The following KCNIP2 variants were observed in gnomAD, a reference collection of about 807,000 sequenced individuals.
KCNIP2 encodes A-type potassium channel modulatory protein KCNIP2.
KCNIP2 carries 19 observed loss-of-function variants against 39.0 expected under a neutral mutation model. The observed-to-expected ratio is 0.49, with a 90% CI of 0.34 to 0.71. The LOEUF (loss-of-function observed/expected upper bound fraction) is 0.71. KCNIP2 is among the 30% of genes least tolerant of loss of function. The pLI is 0.01. For synonymous variants in KCNIP2, 111 were observed against 131.2 expected, an observed-to-expected ratio of 0.85 and a Z score of 1.05; for missense variants, 261 against 346.0, an observed-to-expected ratio of 0.75 and a Z score of 1.95.
In KCNIP2 at chr10:101,829,213, G is replaced by A. The variant is rs765365459; in HGVS notation, c.224-14C>T. On this transcript the variant is annotated splice_polypyrimidine_tract_variant and intron_variant, in intron 3 of 9. Transcript: ENST00000356640. ...CGTCCACGCTGTCTGCGGGAGCGGT[G>A]AGGACAGCCGCGCCTCAGGCCCAGC... is the stretch of plus-strand genomic sequence containing the variant. The A allele has an allele frequency of 2.4e-5, 39 of 1,605,816 alleles. No homozygotes were observed. The highest frequency in any genetic ancestry group is 3.3e-5 in the Non-Finnish European group (39 of 1,175,320).
intron 1 of KCNIP2, among the ~76,000 whole-genome samples, chr10:101,841,744 C>A (rs1271371553): frequency 6.6e-6 from 1 of 152,194 alleles, no homozygotes; most frequent in African/African-American, 2.4e-5. Flanking sequence ...ACAAATGCTT[C>A]CCCCACCCAA....
At chr10:101,827,538 G>T in intron 9 of KCNIP2, 138 bp from the exon 10 acceptor site, 1 of 1,278,286 alleles carries the variant, frequency 7.8e-7, no homozygotes. Context: ...GAGACCTGAG[G>T]TAGGGAAGGG....
Position 101,828,337 on chromosome 10 carries a change from T to C in KCNIP2, c.489+52A>G. On this transcript the variant is annotated intron_variant, in intron 6 of 9. Transcript: ENST00000356640. This position sits in a 1 kb window ranked among gnomAD's most constrained non-coding sequence, Gnocchi z 6.6. Reference sequence around the variant, plus strand: ...TTCTCTGGGTTTGGCCTGGAGATCCTGGCCCTGAACTCCAGGAAACAGGCT... The same window carrying C: ...TTCTCTGGGTTTGGCCTGGAGATCCCGGCCCTGAACTCCAGGAAACAGGCT... 6.2e-7 allele frequency: 1 copy of C among 1,609,994 alleles called. No homozygotes were observed. The highest frequency in any genetic ancestry group is 8.5e-7 in the Non-Finnish European group (1 of 1,176,232).
At chr10:101,841,991 T>C (rs1156803304) in intron 1 of KCNIP2, among the ~76,000 whole-genome samples, 3 of 152,234 alleles carry the variant, frequency 2.0e-5, no homozygotes, top group Admixed American at 6.5e-5. Context: ...GGGGCCAGCC[T>C]GAGTGGCTCC....
At chr10:101,836,970 AT>A (rs1157369186) in intron 1 of KCNIP2, among the ~76,000 whole-genome samples, 4 of 152,112 alleles carry the variant, frequency 2.6e-5, no homozygotes, top group Non-Finnish European at 4.4e-5. Flanking sequence ...CAAAAAAAAA[AT>A]AATAATAATT....
rs1438544872 is a variant in KCNIP2 at position 101,838,885 on chromosome 10, G to A, written c.73+4611C>T. Among the ~76,000 whole-genome samples the A allele has an allele frequency of 2.6e-5, 4 of 152,192 alleles. No homozygotes were observed. Among genetic ancestry groups the A allele is most frequent in the South Asian group, 2.1e-4 (1 of 4,832 alleles). ...GTTTGAGGTCAGGTACAGAGGAGAC[G>A]TTGCGTTCTATGGGCCCTGCCCAAG... On this transcript the variant is annotated intron_variant, in intron 1 of 9. Coordinates refer to ENST00000356640, the MANE Select transcript of KCNIP2 (RefSeq NM_173191.3). This position sits in a 1 kb window ranked among gnomAD's most constrained non-coding sequence, Gnocchi z 4.0.
intron 1 of KCNIP2, among the ~76,000 whole-genome samples, chr10:101,832,742 C>T (rs546804474): frequency 2.6e-5 from 4 of 152,254 alleles, no homozygotes; most frequent in East Asian, 1.9e-4. Context: ...TTGCCCGACT[C>T]GGGGGTGGCT....
chr10:101,829,728 CGGCCCCATCTCAATCCTGCCCCG>C, intron 3 of KCNIP2, 93 bp downstream of exon 3: 1 of 146,514 alleles, frequency 6.8e-6, no homozygotes, highest in Non-Finnish European at 1.4e-5. Context: ...ACCCCACCCC[CGGCCCCATCTCAATCCTGCCCCG>C]CCCCCAACGT....
In KCNIP2 at chr10:101,827,152, A is replaced by AC. The variant is rs71472588; in HGVS notation, c.*200dup. The AC allele has an allele frequency of 4.0e-6, 5 of 1,240,546 alleles. No individual in the cohort carries two copies. The highest frequency in any genetic ancestry group is 6.4e-5 in the South Asian group (2 of 31,012). The allele number at this position is 1,240,546 out of a possible 1,614,324, so 76.8% of individuals were successfully genotyped here. A position where few individuals can be genotyped will look rare whatever the true frequency, so the allele number is the denominator to read the frequency against. ...GTGAGAGCTGGTGGGAGTTGGGAAC[A>AC]CCCCCCGAGATGCACTCTGCCCACT... On this transcript the variant is annotated 3_prime_UTR_variant, in exon 10 of 10. Transcript: ENST00000356640.
chr10:101,841,255 C>G (rs1329462327), intron 1 of KCNIP2, among the ~76,000 whole-genome samples: 1 of 152,222 alleles, frequency 6.6e-6, no homozygotes, highest in Non-Finnish European at 1.5e-5. Context: ...AAGACGGGAG[C>G]TGCAGACTAC....
intron 1 of KCNIP2, among the ~76,000 whole-genome samples, chr10:101,840,418 C>T (rs2135208259): frequency 6.6e-6 from 1 of 151,904 alleles, no homozygotes; most frequent in South Asian, 2.1e-4. Context: ...TGCCCCACTG[C>T]CTTCTGTCTC....
chr10:101,838,466 C>T lies in KCNIP2; in HGVS notation c.73+5030G>A, dbSNP rs1446198162. Among the ~76,000 whole-genome samples, 6 of 152,100 alleles carry T rather than the reference C, an allele frequency of 3.9e-5. No individual in the cohort carries two copies. The highest frequency in any genetic ancestry group is 5.9e-5 in the Non-Finnish European group (4 of 68,024). ...CCCAGCCAGTGAAGACCTCAAAGCC[C>T]TTCTCTCAGTCCCCCAGACCCACAC... On this transcript the variant is annotated intron_variant, in intron 1 of 9. Coordinates refer to ENST00000356640, the MANE Select transcript of KCNIP2 (RefSeq NM_173191.3). This position sits in a 1 kb window ranked among gnomAD's most constrained non-coding sequence, Gnocchi z 4.0.
At position 101,828,102 on chromosome 10, in the gene KCNIP2, G is replaced by T; in HGVS notation, c.597+49C>A. ...ATTTCCCTCCCATCACCCTCTGCAC[G>T]CCACCCCCATCACCGCCACAGACCC... On this transcript the variant is annotated intron_variant, in intron 7 of 9. Coordinates refer to ENST00000356640, the MANE Select transcript of KCNIP2 (RefSeq NM_173191.3). The surrounding 1 kb of genome is among the most constrained non-coding windows in gnomAD (Gnocchi z 6.6). 1 of 1,567,868 alleles carries T rather than the reference G, an allele frequency of 6.4e-7. No individual in the cohort carries two copies. Among genetic ancestry groups the T allele is most frequent in the Non-Finnish European group, 8.8e-7 (1 of 1,138,162 alleles).
Position 101,829,114 on chromosome 10 carries a change from C to T in KCNIP2, c.309G>A (p.Thr103=), listed in dbSNP as rs908170646. 6 of 1,614,050 alleles carry T rather than the reference C, an allele frequency of 3.7e-6. No homozygotes were observed. The highest frequency in any genetic ancestry group is 4.5e-5 in the East Asian group (2 of 44,900). Residue 103 remains threonine, a synonymous_variant, in exon 4 of 10, where the codon ACG becomes ACA. Transcript: ENST00000356640. ...GGTACAGGACCTGCAACTCCTTGCG[C>T]GTGAATTTGGTTTGCTCCTGCAGCT... ...LEQLQEQTKF[T]RKELQVLYRG...
In KCNIP2 at chr10:101,843,556, C is replaced by A; in HGVS notation, c.13G>T (p.Gly5Cys). 6.5e-7 allele frequency: 1 copy of A among 1,549,632 alleles called. No homozygotes were observed. Among genetic ancestry groups the A allele is most frequent in the South Asian group, 1.2e-5 (1 of 82,786 alleles). MRGQ[G>C]RKESLSDSRD... ...GAATCGGACAAACTCTCCTTGCGGC[C>A]CTGGCCCCGCATGGCCCCCGGCGCC... is the stretch of plus-strand genomic sequence containing the variant. The change falls in exon 1 of 10, where the codon GGC (glycine) becomes TGC (cysteine). Residue 5 changes from glycine (G) to cysteine (C), a missense_variant. Coordinates refer to ENST00000356640, the MANE Select transcript of KCNIP2 (RefSeq NM_173191.3). The surrounding 1 kb of genome is among the most constrained non-coding windows in gnomAD (Gnocchi z 6.7).
At chr10:101,831,778 A>G (rs1030570736) in intron 1 of KCNIP2, among the ~76,000 whole-genome samples, 3 of 152,216 alleles carry the variant, frequency 2.0e-5, no homozygotes, top group African/African-American at 7.2e-5. Flanking sequence ...AAACCACACA[A>G]GAACACACAA....
intron 1 of KCNIP2, among the ~76,000 whole-genome samples, chr10:101,831,857 G>A (rs2066002652): frequency 6.6e-6 from 1 of 152,166 alleles, no homozygotes; most frequent in South Asian, 2.1e-4. Context: ...ATAACATTAT[G>A]AGACATATCA....
Position 101,838,560 on chromosome 10 carries a change from T to C in KCNIP2, c.73+4936A>G, listed in dbSNP as rs989648270. On this transcript the variant is annotated intron_variant, in intron 1 of 9. Transcript: ENST00000356640. The surrounding 1 kb of genome is among the most constrained non-coding windows in gnomAD (Gnocchi z 4.0). ...GAGTGATTAATGACCTCCCTAGACG[T>C]TGGGGCTATTTTGGGTCCTGGAAGT... 8.5e-5 allele frequency among the ~76,000 whole-genome samples: 13 copies of C among 152,142 alleles called. No individual in the cohort carries two copies. The highest frequency in any genetic ancestry group is 1.9e-4 in the East Asian group (1 of 5,186).
At chr10:101,829,239 C>T in intron 3 of KCNIP2, 40 bp from the exon 4 acceptor site, 1 of 1,577,584 alleles carries the variant, frequency 6.3e-7, no homozygotes, top group South Asian at 1.2e-5. Flanking sequence ...CAGGCCCAGC[C>T]TCCGCGACCC....
Sources: gnomAD v4.1 joint callset for allele counts (sites outside exome capture counted in the v4.1 genomes callset) on GRCh38, gnomAD v4.1.1 for gene constraint, Gnocchi (gnomAD v3.1) non-coding constraint, MANE v1.5 for transcripts, NCBI Gene and HGNC (gene_info 2026-07-23, HGNC 2026-07-21) for gene names.